SPEGNB: variants seen among roughly 807,000 people sequenced by gnomAD.
The protein encoded by SPEGNB is SPEG neighbor.
SPEGNB carries 12 observed loss-of-function variants against 18.3 expected under a neutral mutation model. The ratio of observed to expected loss-of-function variants is 0.65; its 90% CI spans 0.42 to 1.06. The LOEUF (loss-of-function observed/expected upper bound fraction) is 1.06. Among genes scored for constraint, SPEGNB ranks in the 50% least tolerant of loss-of-function variants. SPEGNB has a pLI of 0.00. For missense variants in SPEGNB, 273 were observed against 329.3 expected, an observed-to-expected ratio of 0.83 and a Z score of 1.32; for synonymous variants, 113 against 138.8, an observed-to-expected ratio of 0.81 and a Z score of 1.31.
Position 219,497,088 on chromosome 2 carries a change from C to T in SPEGNB, c.408C>T (p.Cys136=), listed in dbSNP as rs1417465620. 5 of 1,221,628 alleles carry T rather than the reference C, an allele frequency of 4.1e-6. No individual in the cohort carries two copies. The highest frequency in any genetic ancestry group is 5.3e-6 in the Non-Finnish European group (5 of 941,876). The allele number at this position is 1,221,628 out of a possible 1,614,324, so 75.7% of individuals were successfully genotyped here. Residue 136 remains cysteine, a synonymous_variant, in exon 3 of 5, where the codon TGC becomes TGT. Transcript: ENST00000651166. ...SINVTNPFGQ[C]SDSARILVEV... ...ACGTCACCAACCCCTTCGGCCAGTG[C>T]TCCGACTCGGCGCGCATCCTCGTGG...
intron 2 of SPEGNB, 48 bp downstream of exon 2, chr2:219,496,530 C>T (rs896373461): frequency 8.4e-7 from 1 of 1,195,578 alleles, no homozygotes; most frequent in African/African-American, 1.6e-5. Context: ...CTGCAGAGAG[C>T]GCACTCTTGA....
chr2:219,497,553 C>G, intron 3 of SPEGNB, 167 bp from the exon 4 acceptor site: 1 of 814,100 alleles, frequency 1.2e-6, no homozygotes, highest in Non-Finnish European at 1.7e-6. Flanking sequence ...AGGGATAAGT[C>G]CCTTTAACAG....
In SPEGNB at chr2:219,496,451, A is replaced by G. The variant is rs566136762; in HGVS notation, c.97A>G (p.Ile33Val). ...TGACCCACAGGTCCAGAGTGCGGCC[A>G]TTCGTATCCAGGCCTCTTACCGGGG... ...INDPQVQSAA[I>V]RIQASYRGHR... is the part of the protein sequence containing the mutation. The change falls in exon 2 of 5, where the codon ATT becomes GTT. Residue 33 changes from isoleucine (I) to valine (V), a missense_variant. Transcript: ENST00000651166. The G allele has an allele frequency of 4.2e-4, 543 of 1,281,362 alleles. 1 individual carries two copies. Among genetic ancestry groups the G allele is most frequent in the Middle Eastern group, 2.2e-4 (1 of 4,586 alleles). The allele number at this position is 1,281,362 out of a possible 1,614,324, so 79.4% of individuals were successfully genotyped here.
intron 3 of SPEGNB, 187 bp from the exon 4 acceptor site, chr2:219,497,533 T>A: frequency 3.4e-6 from 2 of 596,426 alleles, no homozygotes; most frequent in Non-Finnish European, 4.9e-6. Flanking sequence ...CCCCGAGAAG[T>A]AGGAGAGGCA....
chr2:219,497,192 C>A, intron 3 of SPEGNB, 76 bp downstream of exon 3: 2 of 1,068,640 alleles, frequency 1.9e-6, no homozygotes, highest in Non-Finnish European at 2.3e-6. Flanking sequence ...GGTCCAGCTG[C>A]GCGTGTTTAC....
In SPEGNB at chr2:219,497,759, C is replaced by G; in HGVS notation, c.476C>G (p.Ala159Gly). The change falls in exon 4 of 5, where the codon GCG (alanine) becomes GGG (glycine). Residue 159 changes from alanine (A) to glycine (G), a missense_variant. Ala to Gly is a moderately conservative substitution (Grantham distance 60, BLOSUM62 0). Transcript: ENST00000651166. ...KIQKGPDNTK[A>G]RKGTTVTLTA... The stretch of plus-strand genomic sequence containing the variant: ...CAAAAGGGACCCGACAACACTAAGG[C>G]GCGCAAAGGCACCACCGTGACGCTG... The G allele has an allele frequency of 1.5e-6, 2 of 1,304,302 alleles. No individual in the cohort carries two copies. Among genetic ancestry groups the G allele is most frequent in the Non-Finnish European group, 2.0e-6 (2 of 988,968 alleles). The allele number at this position is 1,304,302 out of a possible 1,614,324, so 80.8% of individuals were successfully genotyped here.
At chr2:219,497,493 C>T in intron 3 of SPEGNB, 3 of 442,630 alleles carry the variant, frequency 6.8e-6, no homozygotes, top group Non-Finnish European at 1.1e-5. Context: ...GGGCTTTCGC[C>T]CGCCTTATCT....
At chr2:219,496,517 G>A in intron 2 of SPEGNB, 35 bp downstream of exon 2, 1 of 1,201,236 alleles carries the variant, frequency 8.3e-7, no homozygotes, top group Non-Finnish European at 1.1e-6. Flanking sequence ...TGGAGGAAGG[G>A]AGCTGCAGAG....
intron 3 of SPEGNB, 30 bp from the exon 4 acceptor site, chr2:219,497,690 C>G (rs548741085): frequency 7.7e-7 from 1 of 1,297,720 alleles, no homozygotes; most frequent in Admixed American, 2.3e-5. Context: ...GGGTCCTTCA[C>G]GGGGTTTCGC....
rs556157432 is a variant in SPEGNB, at chr2:219,498,195, AC to A, written c.*11del. Reference sequence around the variant, plus strand: ...CTCGCGTCGACGTGGCCTGAACGGCACCCCCGGACCTTCCGCCCTGGCGCCG... The same window carrying A: ...CTCGCGTCGACGTGGCCTGAACGGCACCCCGGACCTTCCGCCCTGGCGCCG... On this transcript the variant is annotated 3_prime_UTR_variant, in exon 5 of 5. Coordinates refer to ENST00000651166, the MANE Select transcript of SPEGNB (RefSeq NM_001286811.2). 399 of 1,299,446 alleles carry A rather than the reference AC, an allele frequency of 3.1e-4. 9 individuals are homozygous for A. The Admixed American group carries it at 9.2e-3, about 30-fold the overall frequency. 80.5% of individuals were successfully genotyped at this position (1,299,446 alleles called of 1,614,324 possible).
At position 219,497,894 on chromosome 2, in the gene SPEGNB, C is replaced by G. The variant is rs1250323526; in HGVS notation, c.578+33C>G. On this transcript the variant is annotated intron_variant, in intron 4 of 4. Coordinates refer to ENST00000651166, the MANE Select transcript of SPEGNB (RefSeq NM_001286811.2). The stretch of plus-strand genomic sequence containing the variant: ...CCGGGACCTGCGGCACGGCCAGGGC[C>G]TGGGGCTGGAACCTGGGTGGGACTG... The G allele has an allele frequency of 7.7e-6, 10 of 1,301,322 alleles. No homozygotes were observed. In the Admixed American group the frequency reaches 1.8e-4, roughly 24 times the overall value. 80.6% of individuals were successfully genotyped at this position (1,301,322 alleles called of 1,614,324 possible). A position where few individuals can be genotyped will look rare whatever the true frequency, so the allele number is the denominator to read the frequency against.
rs1444489561 is a variant in SPEGNB, at chr2:219,497,691, G to T, written c.437-29G>T. On this transcript the variant is annotated intron_variant, in intron 3 of 4. Transcript: ENST00000651166. Reference sequence around the variant, plus strand: ...CCTGCCTCATCTCCGGGTCCTTCACGGGGTTTCGCTCCCCTTTCCTTCCGC... The same window carrying T: ...CCTGCCTCATCTCCGGGTCCTTCACTGGGTTTCGCTCCCCTTTCCTTCCGC... The T allele has an allele frequency of 3.9e-6, 5 of 1,297,766 alleles. No individual in the cohort carries two copies. In the East Asian group the frequency reaches 2.8e-4, roughly 73 times the overall value. The allele number at this position is 1,297,766 out of a possible 1,614,324, so 80.4% of individuals were successfully genotyped here.
In SPEGNB at chr2:219,498,210, G is replaced by A; in HGVS notation, c.*21G>A. 1 of 1,295,284 alleles carries A rather than the reference G, an allele frequency of 7.7e-7. No individual in the cohort carries two copies. The highest frequency in any genetic ancestry group is 1.0e-6 in the Non-Finnish European group (1 of 984,858). 80.2% of individuals were successfully genotyped at this position (1,295,284 alleles called of 1,614,324 possible). A position where few individuals can be genotyped will look rare whatever the true frequency, so the allele number is the denominator to read the frequency against. ...CCTGAACGGCACCCCCGGACCTTCC[G>A]CCCTGGCGCCGAGCCCGGGGGTGGT... On this transcript the variant is annotated 3_prime_UTR_variant, in exon 5 of 5. Transcript: ENST00000651166.
Position 219,496,971 on chromosome 2 carries a change from TC to T in SPEGNB, c.294del (p.Lys99SerfsTer67). ...AGGACGGCAAGGAGCTACGTGACGG[TC>T]CCAAGTACCGCTACGTCTTCGAGGA... The part of the protein sequence containing the change: ...SKDGKELRDG[P>X]KYRYVFEDPD... On this transcript the variant is annotated frameshift_variant, in exon 3 of 5. Coordinates refer to ENST00000651166, the MANE Select transcript of SPEGNB (RefSeq NM_001286811.2). LOFTEE classifies it high-confidence loss of function. The T allele has an allele frequency of 7.7e-7, 1 of 1,303,506 alleles. No homozygotes were observed. Among genetic ancestry groups the T allele is most frequent in the South Asian group, 1.2e-5 (1 of 80,974 alleles). 80.7% of individuals were successfully genotyped at this position (1,303,506 alleles called of 1,614,324 possible).
chr2:219,497,736 A>G lies in SPEGNB; in HGVS notation c.453A>G (p.Gln151=), dbSNP rs562598592. 14 of 1,304,112 alleles carry G rather than the reference A, an allele frequency of 1.1e-5. No individual in the cohort carries two copies. In the East Asian group the frequency reaches 7.2e-4, roughly 67 times the overall value. The allele number at this position is 1,304,112 out of a possible 1,614,324, so 80.8% of individuals were successfully genotyped here. A position where few individuals can be genotyped will look rare whatever the true frequency, so the allele number is the denominator to read the frequency against. ...RILVEVPTKI[Q]KGPDNTKARK... ...TTCCGCTAGTCCCGACGAAGATTCA[A>G]AAGGGACCCGACAACACTAAGGCGC... The change falls in exon 4 of 5, where the codon CAA becomes CAG. Residue 151 remains glutamine (Q), a synonymous_variant. Coordinates refer to ENST00000651166, the MANE Select transcript of SPEGNB (RefSeq NM_001286811.2).
intron 4 of SPEGNB, 40 bp from the exon 5 acceptor site, chr2:219,498,011 T>C (rs1306090004): frequency 1.6e-6 from 2 of 1,288,986 alleles, no homozygotes; most frequent in East Asian, 1.1e-4. Flanking sequence ...GCCCGTGTAC[T>C]GACCACGGCT....
chr2:219,496,741 C>G, intron 2 of SPEGNB, 68 bp from the exon 3 acceptor site: 1 of 1,171,340 alleles, frequency 8.5e-7, no homozygotes, highest in South Asian at 1.6e-5. Flanking sequence ...GGAGATGGTG[C>G]GCTCGCGGTA....
rs531351177 is a variant in SPEGNB at position 219,498,173 on chromosome 2, G to A, written c.701G>A (p.Arg234His). 2,226 of 1,303,986 alleles carry A rather than the reference G, an allele frequency of 1.7e-3. 2 individuals carry two copies. Among genetic ancestry groups the A allele is most frequent in the Non-Finnish European group, 2.1e-3 (2,117 of 988,790 alleles). 80.8% of individuals were successfully genotyped at this position (1,303,986 alleles called of 1,614,324 possible). Residue 234 changes from arginine to histidine, a missense_variant, in exon 5 of 5, where the codon CGC (arginine) becomes CAC (histidine). Coordinates refer to ENST00000651166, the MANE Select transcript of SPEGNB (RefSeq NM_001286811.2). The part of the protein sequence containing the change: ...NSLGMDQSFA[R>H]VDVA Reference sequence around the variant, plus strand: ...CTGGGCATGGACCAGAGCTTCGCTCGCGTCGACGTGGCCTGAACGGCACCC... The same window carrying A: ...CTGGGCATGGACCAGAGCTTCGCTCACGTCGACGTGGCCTGAACGGCACCC...
Position 219,496,894 on chromosome 2 carries a change from A to AG in SPEGNB, c.214_215insG (p.Lys72ArgfsTer18). On this transcript the variant is annotated frameshift_variant, in exon 3 of 5. Transcript: ENST00000651166. LOFTEE classifies it high-confidence loss of function. Reference sequence around the variant, plus strand: ...GGTGCTGATCGAAGGCAGCGCGGCCAAGCTCACTTGCCGCATTTCGGCTTT... The same window carrying AG: ...GGTGCTGATCGAAGGCAGCGCGGCCAGAGCTCACTTGCCGCATTTCGGCTTT... 2.3e-6 allele frequency: 3 copies of AG among 1,296,686 alleles called. No homozygotes were observed. Among genetic ancestry groups the AG allele is most frequent in the Non-Finnish European group, 3.1e-6 (3 of 983,352 alleles). The allele number at this position is 1,296,686 out of a possible 1,614,324, so 80.3% of individuals were successfully genotyped here.
Sources: gnomAD v4.1 joint callset for allele counts on GRCh38, gnomAD v4.1.1 for gene constraint, MANE v1.5 for transcripts, NCBI Gene and HGNC (gene_info 2026-07-23, HGNC 2026-07-21) for gene names.